DGKK: variants seen among roughly 807,000 people sequenced by gnomAD.
The protein encoded by DGKK is 142 kDa diacylglycerol kinase.
DGKK carries 35 observed loss-of-function variants against 92.2 expected under a neutral mutation model. The ratio of observed to expected loss-of-function variants is 0.38; its 90% CI spans 0.29 to 0.50. The LOEUF (loss-of-function observed/expected upper bound fraction) is 0.50, where lower values mean the gene tolerates loss of function less well. Among genes scored for constraint, DGKK ranks in the 20% least tolerant of loss-of-function variants. DGKK has a pLI of 0.92. For synonymous variants in DGKK, 368 were observed against 360.6 expected (o/e 1.02, Z -0.23); for missense variants, 910 against 992.2 (o/e 0.92, Z 1.11).
At chrX:50,372,398 T>G (rs1557223322) in intron 25 of DGKK, among the ~76,000 whole-genome samples, 1 of 112,054 alleles carries the variant, frequency 8.9e-6, no homozygotes, top group African/African-American at 3.2e-5. Flanking sequence ...CAACATTGTC[T>G]TATCAAAGAC....
At chrX:50,393,359 A>T (rs1924751900) in intron 8 of DGKK, 24 bp from the exon 9 acceptor site, 1 of 1,159,859 alleles carries the variant, frequency 8.6e-7, no homozygotes. Context: ...AAGAAAAAGA[A>T]GAAAAAAAAG....
chrX:50,386,640 G>A lies in DGKK; in HGVS notation c.2119-54C>T, dbSNP rs1335328912. On this transcript the variant is annotated intron_variant, in intron 14 of 27. Coordinates refer to ENST00000611977, the MANE Select transcript of DGKK (RefSeq NM_001013742.4). ...TGTTATGAGGGACCCATGCTTGAGA[G>A]GACAGAATGAGGAGTGGTGGTGATA... The A allele has an allele frequency of 3.8e-6, 4 of 1,042,483 alleles. No homozygotes were observed. The African/African-American group carries it at 7.4e-5, about 19-fold the overall frequency. The allele number at this position is 1,042,483 out of a possible 1,213,427, so 85.9% of individuals were successfully genotyped here. A position where few individuals can be genotyped will look rare whatever the true frequency, so the allele number is the denominator to read the frequency against.
At chrX:50,391,111 G>A (rs782788444) in intron 11 of DGKK, among the ~76,000 whole-genome samples, 2 of 111,141 alleles carry the variant, frequency 1.8e-5, no homozygotes, top group Admixed American at 1.9e-4. Flanking sequence ...TGTTGTTGTT[G>A]TTTTTGTTTT....
intron 25 of DGKK, among the ~76,000 whole-genome samples, chrX:50,373,894 C>CA (rs1425026770): frequency 8.9e-6 from 1 of 111,885 alleles, no homozygotes; most frequent in Non-Finnish European, 1.9e-5. Context: ...CCTTCTAGCC[C>CA]AAAAATGGAG....
chrX:50,451,843 A>T (rs1926501883), intron 1 of DGKK, among the ~76,000 whole-genome samples: 2 of 112,037 alleles, frequency 1.8e-5, no homozygotes, highest in South Asian at 7.4e-4. Flanking sequence ...GGGATATATG[A>T]CTCTGATGTT....
chrX:50,413,795 TA>T (rs1436900807), intron 4 of DGKK, among the ~76,000 whole-genome samples: 1 of 111,661 alleles, frequency 9.0e-6, no homozygotes, highest in Non-Finnish European at 1.9e-5. Flanking sequence ...GAAAATGGTA[TA>T]GGGGTTCCTC....
At chrX:50,373,478 G>C (rs1856637511) in intron 25 of DGKK, among the ~76,000 whole-genome samples, 1 of 112,082 alleles carries the variant, frequency 8.9e-6, no homozygotes, top group South Asian at 3.8e-4. Context: ...CCTCGGGAAA[G>C]TGGCGACAAG....
Position 50,470,218 on chromosome X carries a change from G to A in DGKK, c.461C>T (p.Thr154Ile). The A allele has an allele frequency of 8.3e-7, 1 of 1,211,681 alleles. No homozygotes were observed. The highest frequency in any genetic ancestry group is 1.7e-5 in the African/African-American group (1 of 57,880). The change falls in exon 1 of 28, where the codon ACC becomes ATC. Residue 154 changes from threonine (T) to isoleucine (I), a missense_variant. By Grantham distance (89) the Thr-to-Ile change is moderately conservative (BLOSUM62 -1). Transcript: ENST00000611977. ...EVAPELAPEP[T>I]PEPVTELAPE... is the part of the protein sequence containing the mutation. The stretch of plus-strand genomic sequence containing the variant: ...GGCCAGCTCTGTCACAGGTTCTGGG[G>A]TCGGCTCTGGGGCCAGCTCTGGGGC...
rs190374484 is a variant in DGKK at position 50,410,664 on chromosome X, C to T, written c.943-6480G>A. Among the ~76,000 whole-genome samples the T allele has an allele frequency of 4.7e-3, 522 of 111,383 alleles. 2 individuals are homozygous for T. Among genetic ancestry groups the T allele is most frequent in the Non-Finnish European group, 6.4e-3 (341 of 53,069 alleles). ...AACTTTGGAGTGAGGCTGAGACAAC[C>T]CCCTTGGACCACAGAACTGAGAAAA... On this transcript the variant is annotated intron_variant, in intron 4 of 27. Transcript: ENST00000611977.
chrX:50,395,490 GTTTT>G (rs1924825771), intron 8 of DGKK, among the ~76,000 whole-genome samples: 1 of 111,324 alleles, frequency 9.0e-6, no homozygotes, highest in Admixed American at 9.5e-5. Context: ...TGCCCCCAAA[GTTTT>G]TGTTTTGTTT....
chrX:50,403,589 C>T lies in DGKK; in HGVS notation c.1087G>A (p.Val363Met), dbSNP rs1925067793. The change falls in exon 6 of 28, where the codon GTG becomes ATG. Residue 363 changes from valine (V) to methionine (M), a missense_variant. Coordinates refer to ENST00000611977, the MANE Select transcript of DGKK (RefSeq NM_001013742.4). ...RDAIICEVCKVKSHRLCALRA... is the reference protein window; with the variant it reads ...RDAIICEVCKMKSHRLCALRA... ...AAAGCACACAATCTGTGAGATTTCACTTTGCACACTGTGAGAAGAGGAAGA... is the reference window on the plus strand; with the variant it reads ...AAAGCACACAATCTGTGAGATTTCATTTTGCACACTGTGAGAAGAGGAAGA... The T allele has an allele frequency of 2.5e-6, 3 of 1,198,654 alleles. No homozygotes were observed. Among genetic ancestry groups the T allele is most frequent in the Non-Finnish European group, 3.4e-6 (3 of 886,007 alleles).
chrX:50,403,531 A>G lies in DGKK; in HGVS notation c.1145T>C (p.Leu382Ser). ...RASKDCKWNT[L>S]SITDDLLLPA... ...CAGAAGGAGGTCATCAGTGATAGAC[A>G]ATGTATTCCACTTGCAGTCTTTGCT... Residue 382 changes from leucine (L) to serine (S), a missense_variant, in exon 6 of 28, where the codon TTG becomes TCG. Physicochemically the swap from Leu to Ser is moderately radical, Grantham distance 145 (BLOSUM62 -2). Transcript: ENST00000611977. 8.3e-7 allele frequency: 1 copy of G among 1,211,163 alleles called. No homozygotes were observed. Among genetic ancestry groups the G allele is most frequent in the Non-Finnish European group, 1.1e-6 (1 of 895,162 alleles).
chrX:50,470,408 AGGCCGGCTCTGT>A lies in DGKK; in HGVS notation c.259_270del (p.Thr87_Ala90del), dbSNP rs782722729. On this transcript the variant is annotated inframe_deletion, in exon 1 of 28. Transcript: ENST00000611977. ...GTGGCAGGTTCTGGGGCCGGTTCTG[AGGCCGGCTCTGT>A]GGCTGGTTCTGGGGTCGGTTCTGTG... The A allele has an allele frequency of 8.3e-7, 1 of 1,202,640 alleles. No homozygotes were observed. The highest frequency in any genetic ancestry group is 1.8e-5 in the South Asian group (1 of 56,575).
chrX:50,434,887 T>A (rs1602294601), intron 1 of DGKK, among the ~76,000 whole-genome samples: 1 of 111,955 alleles, frequency 8.9e-6, no homozygotes, highest in East Asian at 2.8e-4. Context: ...TATGCCTCAC[T>A]TAAAGACAGA....
rs1206394771 is a variant in DGKK, at chrX:50,403,687, C to G, written c.1079-90G>C. ...CCCAAAGCTGCTCTGAAAGTTAGAA[C>G]ACAGATGCATTCTAAATAGTTCTAA... On this transcript the variant is annotated intron_variant, in intron 5 of 27. Transcript: ENST00000611977. 3 of 755,342 alleles carry G rather than the reference C, an allele frequency of 4.0e-6. No individual in the cohort carries two copies. In the African/African-American group the frequency reaches 6.3e-5, roughly 16 times the overall value. 62.2% of individuals were successfully genotyped at this position (755,342 alleles called of 1,213,427 possible). A position where few individuals can be genotyped will look rare whatever the true frequency, so the allele number is the denominator to read the frequency against.
At position 50,409,209 on chromosome X, in the gene DGKK, G is replaced by T. The variant is rs138122248; in HGVS notation, c.943-5025C>A. Among the ~76,000 whole-genome samples the T allele has an allele frequency of 8.7e-3, 963 of 110,585 alleles. 7 individuals are homozygous for T. The highest frequency in any genetic ancestry group is 0.042 in the Middle Eastern group (9 of 215). ...ACCATGTGAAGATACAGAGGGAACAGACACAGGGGAGAATACTATGTGATG... is the reference window on the plus strand; with the variant it reads ...ACCATGTGAAGATACAGAGGGAACATACACAGGGGAGAATACTATGTGATG... On this transcript the variant is annotated intron_variant, in intron 4 of 27. Coordinates refer to ENST00000611977, the MANE Select transcript of DGKK (RefSeq NM_001013742.4).
chrX:50,436,441 T>C (rs1439785206), intron 1 of DGKK, among the ~76,000 whole-genome samples: 2 of 111,993 alleles, frequency 1.8e-5, no homozygotes, highest in Non-Finnish European at 3.8e-5. Context: ...TAGTTATCCC[T>C]TCAGTGGAAG....
At chrX:50,443,310 C>T (rs1189577279) in intron 1 of DGKK, among the ~76,000 whole-genome samples, 1 of 111,021 alleles carries the variant, frequency 9.0e-6, no homozygotes, top group Non-Finnish European at 1.9e-5. Context: ...CTGTGACATC[C>T]CTATGCCAGA....
At chrX:50,468,254 A>C (rs182212828) in intron 1 of DGKK, among the ~76,000 whole-genome samples, 1 of 112,073 alleles carries the variant, frequency 8.9e-6, no homozygotes, top group East Asian at 2.8e-4. Flanking sequence ...TCAGAGGCCA[A>C]AGGGGAGATG....
Sources: allele counts gnomAD v4.1 joint callset (sites outside exome capture counted in the v4.1 genomes callset), GRCh38; gene constraint gnomAD v4.1.1; transcripts MANE v1.5; gene names NCBI Gene and HGNC (gene_info 2026-07-23, HGNC 2026-07-21).